The following RNF10 variants were observed in gnomAD, a reference collection of about 807,000 sequenced individuals.
RNF10 encodes the protein E3 ubiquitin-protein ligase RNF10.
Under a neutral mutation model 91.4 loss-of-function variants are expected in RNF10, and 38 were observed. The ratio of observed to expected loss-of-function variants is 0.42; its 90% CI spans 0.32 to 0.54. RNF10 has a LOEUF of 0.54. Ranked by LOEUF, RNF10 falls within the 20% of genes least tolerant of loss-of-function variation. The pLI is 0.16. For synonymous variants in RNF10, 364 were observed against 366.3 expected (o/e 0.99, Z 0.07); for missense variants, 945 against 1,012.0 (o/e 0.93, Z 0.90).
intron 1 of RNF10, among the ~76,000 whole-genome samples, chr12:120,538,572 G>A (rs1871153343): frequency 6.6e-6 from 1 of 152,144 alleles, no homozygotes; most frequent in African/African-American, 2.4e-5. Flanking sequence ...AGAACATGCA[G>A]CAGTAAATAT....
chr12:120,559,728 A>T (rs1258345289), intron 6 of RNF10, among the ~76,000 whole-genome samples: 1 of 149,330 alleles, frequency 6.7e-6, no homozygotes, highest in African/African-American at 2.5e-5. Context: ...AGAGTTTTGC[A>T]CTTGTTGCCC....
rs948408543 is a variant in RNF10 at position 120,562,942 on chromosome 12, T to C, written c.1129-3T>C. Reference sequence around the variant, plus strand: ...TCTCTGGTGTTCTCTCTGGCCACGTTAGACTCGGGAAGAGGCTCTGTCGGG... The same window carrying C: ...TCTCTGGTGTTCTCTCTGGCCACGTCAGACTCGGGAAGAGGCTCTGTCGGG... On this transcript the variant is annotated splice_region_variant and splice_polypyrimidine_tract_variant and intron_variant, in intron 7 of 16. Transcript: ENST00000325954. 1 of 1,613,954 alleles carries C rather than the reference T, an allele frequency of 6.2e-7. No homozygotes were observed.
In RNF10 at chr12:120,557,273, T is replaced by C. The variant is rs752598449; in HGVS notation, c.646-9T>C. ...AAGCAGTGAACCTTCTGGTGGCATT[T>C]TGTTTCAGCGCATTTGTAGCCATGA... is the stretch of plus-strand genomic sequence containing the variant. On this transcript the variant is annotated splice_polypyrimidine_tract_variant and intron_variant, in intron 4 of 16. Transcript: ENST00000325954. 1.9e-6 allele frequency: 3 copies of C among 1,613,078 alleles called. No individual in the cohort carries two copies. The highest frequency in any genetic ancestry group is 2.5e-6 in the Non-Finnish European group (3 of 1,179,184).
At chr12:120,542,264 C>T (rs1871684751) in intron 1 of RNF10, among the ~76,000 whole-genome samples, 1 of 152,054 alleles carries the variant, frequency 6.6e-6, no homozygotes, top group African/African-American at 2.4e-5. Context: ...CTTAAGCAAT[C>T]CTTCCAACTC....
intron 14 of RNF10, among the ~76,000 whole-genome samples, chr12:120,573,838 C>T (rs958019377): frequency 6.6e-6 from 1 of 152,208 alleles, no homozygotes; most frequent in African/African-American, 2.4e-5. Context: ...AAACTGGACA[C>T]ACCAGCTACT....
At chr12:120,546,675 C>T in intron 2 of RNF10, 74 bp downstream of exon 2, 2 of 1,346,770 alleles carry the variant, frequency 1.5e-6, no homozygotes, top group Non-Finnish European at 2.1e-6. Context: ...CCCAGTTTAT[C>T]AGTAGTTGAG....
chr12:120,574,572 A>G (rs751601376), intron 14 of RNF10: 23 of 455,624 alleles, frequency 5.0e-5, no homozygotes, highest in Non-Finnish European at 9.7e-5. Context: ...GTCAGGAGAG[A>G]GTTTAGTTAG....
intron 6 of RNF10, among the ~76,000 whole-genome samples, chr12:120,560,510 G>A (rs1455348339): frequency 6.6e-6 from 1 of 152,144 alleles, no homozygotes; most frequent in Non-Finnish European, 1.5e-5. Context: ...CGTGACTAAA[G>A]TTTTGACTAC....
chr12:120,574,178 T>C (rs1325819408), intron 14 of RNF10, among the ~76,000 whole-genome samples: 1 of 152,142 alleles, frequency 6.6e-6, no homozygotes, highest in Non-Finnish European at 1.5e-5. Context: ...TGGAACATAA[T>C]GAAGAAAGGT....
At position 120,575,577 on chromosome 12, in the gene RNF10, G is replaced by T. The variant is rs528481464; in HGVS notation, c.2143-54G>T. The T allele has an allele frequency of 1.9e-6, 3 of 1,603,616 alleles. No individual in the cohort carries two copies. In the South Asian group the frequency reaches 3.3e-5, roughly 18 times the overall value. ...AGTTAGTCAAGGTAGGTCTGAAAAA[G>T]AAGTTGGACCAGCTACTTAAATTCT... On this transcript the variant is annotated intron_variant, in intron 14 of 16. Transcript: ENST00000325954.
At chr12:120,547,690 A>G (rs1361063837) in intron 2 of RNF10, among the ~76,000 whole-genome samples, 1 of 152,182 alleles carries the variant, frequency 6.6e-6, no homozygotes, top group Non-Finnish European at 1.5e-5. Flanking sequence ...GAGGTAAAGC[A>G]AGTAGGCTAC....
chr12:120,556,558 G>A (rs887884621), intron 4 of RNF10, among the ~76,000 whole-genome samples: 882 of 69,456 alleles, frequency 0.013, 11 homozygotes, highest in African/African-American at 0.045. Context: ...AAAAAAAAAA[G>A]CTTGAACTCT....
intron 1 of RNF10, among the ~76,000 whole-genome samples, chr12:120,537,666 C>T (rs1871026251): frequency 6.6e-6 from 1 of 152,088 alleles, no homozygotes; most frequent in South Asian, 2.1e-4. Flanking sequence ...CACATATGTG[C>T]CTTGAGGCAG....
At chr12:120,546,877 T>C (rs373953144) in intron 2 of RNF10, among the ~76,000 whole-genome samples, 2 of 152,310 alleles carry the variant, frequency 1.3e-5, no homozygotes, top group African/African-American at 4.8e-5. Flanking sequence ...CACTCTTGAA[T>C]TAGAGGTACT....
At chr12:120,546,237 CTACTA>C (rs1413833369) in intron 1 of RNF10, among the ~76,000 whole-genome samples, 163 bp from the exon 2 acceptor site, 1 of 143,182 alleles carries the variant, frequency 7.0e-6, no homozygotes, top group Non-Finnish European at 1.5e-5. Context: ...AAAAAACACT[CTACTA>C]TGTGTTGTCT....
chr12:120,545,004 A>G (rs1178759263), intron 1 of RNF10, among the ~76,000 whole-genome samples: 3 of 152,226 alleles, frequency 2.0e-5, no homozygotes, highest in African/African-American at 4.8e-5. Context: ...GCAGAAAACA[A>G]TATATCTTCT....
intron 1 of RNF10, among the ~76,000 whole-genome samples, chr12:120,535,834 C>G (rs548490902): frequency 6.6e-6 from 1 of 152,196 alleles, no homozygotes; most frequent in South Asian, 2.1e-4. Context: ...AAGTTTTTAC[C>G]TCTGTTTTCA....
At chr12:120,561,794 T>C (rs905762941) in intron 7 of RNF10, among the ~76,000 whole-genome samples, 1 of 152,196 alleles carries the variant, frequency 6.6e-6, no homozygotes, top group Non-Finnish European at 1.5e-5. Context: ...TATAATACGT[T>C]GCAGCCGTAT....
intron 1 of RNF10, among the ~76,000 whole-genome samples, chr12:120,546,033 G>A (rs1872279856): frequency 6.6e-6 from 1 of 152,190 alleles, no homozygotes; most frequent in East Asian, 1.9e-4. Context: ...CTTCTGTCCT[G>A]TTACCAGGTA....
Sources: allele counts gnomAD v4.1 joint callset (sites outside exome capture counted in the v4.1 genomes callset), GRCh38; gene constraint gnomAD v4.1.1; transcripts MANE v1.5; gene names NCBI Gene and HGNC (gene_info 2026-07-23, HGNC 2026-07-21).